The following BMPR1B variants were observed in gnomAD, a reference collection of about 807,000 sequenced individuals.
BMPR1B encodes bone morphogenetic protein receptor type 1B.
A neutral mutation model predicts 59.1 loss-of-function variants in BMPR1B; 12 were observed. That is an observed-to-expected ratio of 0.20 (90% CI 0.13 to 0.33). The LOEUF is 0.33. Among genes scored for constraint, BMPR1B ranks in the 10% least tolerant of loss-of-function variants. The pLI is 1.00. For missense variants in BMPR1B, 550 were observed against 610.9 expected (o/e 0.90, Z 1.05); for synonymous variants, 237 against 207.3 (o/e 1.14, Z -1.23).
At chr4:95,054,242 A>T (rs944088531) in intron 3 of BMPR1B, among the ~76,000 whole-genome samples, 13 of 152,192 alleles carry the variant, frequency 8.5e-5, no homozygotes, top group Admixed American at 3.9e-4. Context: ...CTGCAAAGTC[A>T]CAATAAGTGG....
chr4:94,761,416 TG>T (rs1307921598), intron 1 of BMPR1B, among the ~76,000 whole-genome samples: 2 of 3,602 alleles, frequency 5.6e-4, no homozygotes, highest in African/African-American at 2.6e-3. Flanking sequence ...TGTATAATTC[TG>T]TGTGTGTGTG....
At chr4:94,869,867 A>G (rs941478445) in intron 1 of BMPR1B, among the ~76,000 whole-genome samples, 6 of 152,158 alleles carry the variant, frequency 3.9e-5, no homozygotes, top group African/African-American at 1.4e-4. Context: ...TAGAGGCACC[A>G]CTTTCCCCCT....
chr4:94,794,732 C>T (rs1472375727), intron 1 of BMPR1B, among the ~76,000 whole-genome samples: 3 of 152,086 alleles, frequency 2.0e-5, no homozygotes, highest in Admixed American at 6.5e-5. Flanking sequence ...AGAGGTCCTT[C>T]ACATCCCTTG....
At chr4:95,003,801 C>CTTTTTTTTTTTTTTT (rs5860385) in intron 3 of BMPR1B, among the ~76,000 whole-genome samples, 2 of 84,560 alleles carry the variant, frequency 2.4e-5, no homozygotes, top group Non-Finnish European at 4.1e-5. Flanking sequence ...CAAAGTCCAT[C>CTTTTTTTTTTTTTTT]TTTTTTTTTT....
chr4:95,057,309 A>G (rs556266866), intron 3 of BMPR1B, among the ~76,000 whole-genome samples: 30 of 151,798 alleles, frequency 2.0e-4, no homozygotes, highest in Admixed American at 1.3e-3. Flanking sequence ...CAGTGGTGTG[A>G]TCTTGGCTCA....
At chr4:95,051,688 T>G (rs1476286299) in intron 3 of BMPR1B, 24 of 1,535,290 alleles carry the variant, frequency 1.6e-5, no homozygotes, top group Non-Finnish European at 1.9e-5. Flanking sequence ...CATTGACTGC[T>G]CTGCTGCTGC....
chr4:95,063,966 T>C (rs1452202360), intron 3 of BMPR1B, among the ~76,000 whole-genome samples: 1 of 152,016 alleles, frequency 6.6e-6, no homozygotes, highest in Non-Finnish European at 1.5e-5. Flanking sequence ...ATTGGCAAAA[T>C]AATTAGCAGT....
chr4:94,814,784 G>A (rs1560497718), intron 1 of BMPR1B, among the ~76,000 whole-genome samples: 1 of 151,980 alleles, frequency 6.6e-6, no homozygotes, highest in Non-Finnish European at 1.5e-5. Flanking sequence ...TTCAAACTAT[G>A]TTTTTTGCAC....
At chr4:95,135,759 T>G (rs868061480) in intron 10 of BMPR1B, among the ~76,000 whole-genome samples, 10 of 152,330 alleles carry the variant, frequency 6.6e-5, no homozygotes, top group Middle Eastern at 3.4e-3. Context: ...AAGGAGATTT[T>G]GGGCTGAGAT....
At chr4:94,913,558 G>T (rs1297116465) in intron 2 of BMPR1B, among the ~76,000 whole-genome samples, 1 of 152,110 alleles carries the variant, frequency 6.6e-6, no homozygotes, top group African/African-American at 2.4e-5. Context: ...AGAATGGCAA[G>T]TGATATACCA....
chr4:95,136,538 C>T (rs563322529), intron 10 of BMPR1B, among the ~76,000 whole-genome samples: 31 of 152,224 alleles, frequency 2.0e-4, no homozygotes, highest in African/African-American at 7.2e-4. Flanking sequence ...TCCATGTGGT[C>T]CTAGACTTTT....
At chr4:95,104,147 AC>A (rs1435552343) in intron 3 of BMPR1B, among the ~76,000 whole-genome samples, 2 of 151,942 alleles carry the variant, frequency 1.3e-5, no homozygotes, top group Non-Finnish European at 2.9e-5. Flanking sequence ...AGCTCCTTGC[AC>A]TGTATTAAAT....
chr4:94,956,667 T>C (rs181023078), intron 2 of BMPR1B, among the ~76,000 whole-genome samples: 10 of 152,280 alleles, frequency 6.6e-5, no homozygotes, highest in African/African-American at 2.4e-4. Flanking sequence ...TTTAACAACT[T>C]TAACAGATTT....
At chr4:94,923,409 T>C (rs1373571202) in intron 2 of BMPR1B, among the ~76,000 whole-genome samples, 1 of 152,092 alleles carries the variant, frequency 6.6e-6, no homozygotes, top group Non-Finnish European at 1.5e-5. Context: ...AAAGGAAATA[T>C]TGAAATTGAA....
intron 2 of BMPR1B, among the ~76,000 whole-genome samples, chr4:94,920,559 C>T (rs190076422): frequency 6.6e-6 from 1 of 152,270 alleles, no homozygotes; most frequent in East Asian, 1.9e-4. Flanking sequence ...GTGGGATCTG[C>T]ATCCCTGACT....
At chr4:94,799,052 C>A (rs1723298763) in intron 1 of BMPR1B, among the ~76,000 whole-genome samples, 1 of 151,096 alleles carries the variant, frequency 6.6e-6, no homozygotes, top group Admixed American at 6.6e-5. Flanking sequence ...TCTTGGATAA[C>A]CCCCATAAAG....
intron 1 of BMPR1B, among the ~76,000 whole-genome samples, chr4:94,823,403 A>G (rs949926087): frequency 6.6e-6 from 1 of 152,100 alleles, no homozygotes; most frequent in African/African-American, 2.4e-5. Flanking sequence ...CTGTGGGTGG[A>G]TATGTATGAG....
intron 1 of BMPR1B, among the ~76,000 whole-genome samples, chr4:94,783,111 A>G (rs1002788733): frequency 1.3e-5 from 2 of 152,130 alleles, no homozygotes; most frequent in Admixed American, 1.3e-4. Context: ...TTTCCCTTAT[A>G]TCTTTGTCAA....
At chr4:94,860,109 C>T (rs1425504506) in intron 1 of BMPR1B, among the ~76,000 whole-genome samples, 1 of 152,076 alleles carries the variant, frequency 6.6e-6, no homozygotes, top group African/African-American at 2.4e-5. Flanking sequence ...CTTAACGCGT[C>T]CCTAAACTGG....
Sources: gnomAD v4.1 joint callset for allele counts (sites outside exome capture counted in the v4.1 genomes callset) on GRCh38, gnomAD v4.1.1 for gene constraint, MANE v1.5 for transcripts, NCBI Gene and HGNC (gene_info 2026-07-23, HGNC 2026-07-21) for gene names.